The following MAMSTR variants were observed in gnomAD, a reference collection of about 807,000 sequenced individuals.
MAMSTR encodes the protein MEF2 activating motif and SAP domain containing transcriptional regulator.
In MAMSTR, 41 loss-of-function variants were observed where a neutral mutation model predicts 42.7. That is an observed-to-expected ratio of 0.96 (90% CI 0.75 to 1.25). The LOEUF is 1.25. MAMSTR is among the 50% of genes most tolerant of loss of function. MAMSTR has a pLI of 0.00. For missense variants in MAMSTR, 567 were observed against 557.6 expected, an observed-to-expected ratio of 1.02 and a Z score of -0.17; for synonymous variants, 265 against 244.1, an observed-to-expected ratio of 1.09 and a Z score of -0.80.
intron 3 of MAMSTR, 129 bp from the exon 4 acceptor site, chr19:48,715,896 G>A (rs751545914): frequency 6.6e-5 from 95 of 1,449,974 alleles, no homozygotes; most frequent in Admixed American, 2.6e-4. Flanking sequence ...TGATTGCTGG[G>A]AGATGGGCGC....
rs767878621 is a variant in MAMSTR at position 48,714,464 on chromosome 19, G to T, written c.625C>A (p.Arg209Ser). The T allele has an allele frequency of 1.7e-5, 23 of 1,357,092 alleles. No homozygotes were observed. In the South Asian group the frequency reaches 3.8e-4, roughly 22 times the overall value. 84.1% of individuals were successfully genotyped at this position (1,357,092 alleles called of 1,614,324 possible). A position where few individuals can be genotyped will look rare whatever the true frequency, so the allele number is the denominator to read the frequency against. Residue 209 changes from arginine to serine, a missense_variant, in exon 7 of 10, where the codon CGC becomes AGC. By Grantham distance (110) the Arg-to-Ser change is moderately radical. Transcript: ENST00000318083. ...TCGCGCCGCGGCTTCGGCCGCTCGC[G>T]GGGCGGCGCGCCGCCGCGCATGCGC... ...LERMRGGAPP[R>S]ERPKPRREDS... is the part of the protein sequence containing the mutation.
chr19:48,707,868 AAAG>A (rs2032671287), downstream of MAMSTR, among the ~76,000 whole-genome samples: 1 of 113,444 alleles, frequency 8.8e-6, no homozygotes, highest in South Asian at 2.5e-4. Context: ...AGAAAGAAAG[AAAG>A]AAAGAAAGAA....
downstream of MAMSTR, among the ~76,000 whole-genome samples, chr19:48,707,812 GAAA>G (rs2032665019): frequency 8.2e-6 from 1 of 121,396 alleles, no homozygotes; most frequent in Non-Finnish European, 1.7e-5. Flanking sequence ...AGGAAGGAAA[GAAA>G]GAAAGAAAGA....
intron 6 of MAMSTR, 63 bp from the exon 7 acceptor site, chr19:48,714,623 C>A: frequency 7.0e-7 from 1 of 1,424,786 alleles, no homozygotes; most frequent in Non-Finnish European, 9.3e-7. Flanking sequence ...CAGGCAGGAG[C>A]TGGACAGGAT....
intron 2 of MAMSTR, chr19:48,716,990 A>C: frequency 8.7e-7 from 1 of 1,147,754 alleles, no homozygotes; most frequent in Non-Finnish European, 1.1e-6. Context: ...TGCAGGCTGG[A>C]GGCAGCCCTG....
the MAMSTR span, among the ~76,000 whole-genome samples, chr19:48,707,414 A>G: frequency 7.6e-3 from 1,040 of 136,102 alleles, 2 homozygotes; most frequent in African/African-American, 0.03. Flanking sequence ...GACTCCGTCT[A>G]AAAAAAAAAA....
chr19:48,707,783 AGAAAGAAACAAAGAAGGAAGGAAG>A (rs1247657304), downstream of MAMSTR, among the ~76,000 whole-genome samples: 2 of 132,008 alleles, frequency 1.5e-5, no homozygotes, highest in Non-Finnish European at 3.3e-5. Context: ...AAGAAAGAAA[AGAAAGAAACAAAGAAGGAAGGAAG>A]GAAAGAAAGA....
intron 3 of MAMSTR, 36 bp from the exon 4 acceptor site, chr19:48,715,803 G>A: frequency 6.6e-7 from 1 of 1,519,338 alleles, no homozygotes; most frequent in Non-Finnish European, 8.8e-7. Flanking sequence ...GAGGCCTGCA[G>A]GCAGCAAGCC....
chr19:48,714,488 G>A lies in MAMSTR; in HGVS notation c.601C>T (p.Arg201Cys). 7.3e-7 allele frequency: 1 copy of A among 1,374,896 alleles called. No homozygotes were observed. Among genetic ancestry groups the A allele is most frequent in the South Asian group, 1.9e-5 (1 of 53,040 alleles). 85.2% of individuals were successfully genotyped at this position (1,374,896 alleles called of 1,614,324 possible). Residue 201 changes from arginine (R) to cysteine (C), a missense_variant, in exon 7 of 10, where the codon CGC becomes TGC. By Grantham distance (180) the Arg-to-Cys change is radical. Transcript: ENST00000318083. Reference protein sequence around the residue: ...VSGTKSMLLERMRGGAPPRER... With the variant: ...VSGTKSMLLECMRGGAPPRER... ...CGGGGCGGCGCGCCGCCGCGCATGC[G>A]CTCCAGGAGCATAGACTTGGTCCCC...
At chr19:48,709,849 TTTTTG>T (rs987896871), downstream of MAMSTR, among the ~76,000 whole-genome samples, 3 of 152,104 alleles carry the variant, frequency 2.0e-5, no homozygotes, top group Non-Finnish European at 4.4e-5. Context: ...CTTCTGGTCT[TTTTTG>T]TTTTGTTTTG....
At chr19:48,708,938 A>C (rs2032690058), downstream of MAMSTR, among the ~76,000 whole-genome samples, 1 of 152,082 alleles carries the variant, frequency 6.6e-6, no homozygotes. Flanking sequence ...GAACCAGGAC[A>C]GAGTGACCTG....
the MAMSTR span, among the ~76,000 whole-genome samples, chr19:48,706,170 CCAG>C: frequency 6.6e-6 from 1 of 150,664 alleles, no homozygotes; most frequent in South Asian, 2.2e-4. Flanking sequence ...ACCTGTAGTC[CCAG>C]CTACTTGGCA....
At chr19:48,707,256 A>C in the MAMSTR span, among the ~76,000 whole-genome samples, 1 of 151,310 alleles carries the variant, frequency 6.6e-6, no homozygotes, top group Non-Finnish European at 1.5e-5. Context: ...GCCTCTACTA[A>C]AAATACAAAA....
chr19:48,718,739 C>A (rs973234752), intron 2 of MAMSTR, among the ~76,000 whole-genome samples: 1 of 152,130 alleles, frequency 6.6e-6, no homozygotes, highest in African/African-American at 2.4e-5. Context: ...GAGCCCTCTG[C>A]ACGCCTACCC....
downstream of MAMSTR, among the ~76,000 whole-genome samples, chr19:48,709,310 G>A (rs1044991749): frequency 2.0e-5 from 3 of 152,038 alleles, no homozygotes; most frequent in South Asian, 2.1e-4. Flanking sequence ...CACCACACCC[G>A]GCTAATTTTG....
At chr19:48,710,149 T>C (rs1020819731), downstream of MAMSTR, among the ~76,000 whole-genome samples, 5 of 147,898 alleles carry the variant, frequency 3.4e-5, no homozygotes, top group African/African-American at 1.0e-4. Context: ...TTTTTTAAGA[T>C]GGAGTCTCAC....
downstream of MAMSTR, among the ~76,000 whole-genome samples, chr19:48,711,847 G>A (rs560608336): frequency 4.1e-5 from 6 of 145,962 alleles, no homozygotes; most frequent in African/African-American, 7.5e-5. Flanking sequence ...CCGGGTTCAC[G>A]CCATTCTCCT....
At chr19:48,707,751 GAAA>G (rs1328933687), downstream of MAMSTR, among the ~76,000 whole-genome samples, 1 of 140,810 alleles carries the variant, frequency 7.1e-6, no homozygotes, top group African/African-American at 2.6e-5. Context: ...GAGAGAGAGA[GAAA>G]AGAGAGAAAG....
At position 48,713,288 on chromosome 19, in the gene MAMSTR, G is replaced by A. The variant is rs1168594192; in HGVS notation, c.1227C>T (p.Asp409=). Residue 409 remains aspartate, a synonymous_variant, in exon 10 of 10, where the codon GAC becomes GAT. Coordinates refer to ENST00000318083, the MANE Select transcript of MAMSTR (RefSeq NM_001130915.2). ...TCCATCACCATGGATCCTCCAGCAG[G>A]TCCCACAGCCGGCTGCTGCTGGAGT... The part of the protein sequence containing the change: ...LSDSSSSRLW[D]LLEDPW 4 of 1,602,028 alleles carry A rather than the reference G, an allele frequency of 2.5e-6. No homozygotes were observed. The highest frequency in any genetic ancestry group is 4.5e-5 in the East Asian group (2 of 44,824).
Sources: allele counts gnomAD v4.1 joint callset (sites outside exome capture counted in the v4.1 genomes callset), GRCh38; gene constraint gnomAD v4.1.1; transcripts MANE v1.5; gene names NCBI Gene and HGNC (gene_info 2026-07-23, HGNC 2026-07-21).